CDH8: variants seen among roughly 807,000 people sequenced by gnomAD.
The protein encoded by CDH8 is cadherin-8.
In CDH8, 17 loss-of-function variants were observed where a neutral mutation model predicts 68.1. The observed-to-expected ratio is 0.25, with a 90% CI of 0.17 to 0.37. CDH8 has a LOEUF of 0.37. CDH8 is among the 10% of genes least tolerant of loss of function. The probability of loss-of-function intolerance (pLI) is 1.00; values close to 1 mark genes in which losing one functional copy is unlikely to be tolerated. For missense variants in CDH8, 763 were observed against 999.3 expected, an observed-to-expected ratio of 0.76 and a Z score of 3.19; for synonymous variants, 372 against 365.1, an observed-to-expected ratio of 1.02 and a Z score of -0.21.
At chr16:61,749,803 C>A (rs1960112522) in intron 8 of CDH8, among the ~76,000 whole-genome samples, 2 of 152,066 alleles carry the variant, frequency 1.3e-5, no homozygotes, top group Non-Finnish European at 2.9e-5. Context: ...ATAAACACAC[C>A]TTTCTCCTTA....
chr16:61,949,362 A>G (rs572403683), intron 2 of CDH8, among the ~76,000 whole-genome samples: 1 of 152,242 alleles, frequency 6.6e-6, no homozygotes, highest in East Asian at 1.9e-4. Flanking sequence ...AAAATGGACC[A>G]ATCAGCACTC....
chr16:61,910,727 T>C (rs902987698), intron 2 of CDH8, among the ~76,000 whole-genome samples: 12 of 152,150 alleles, frequency 7.9e-5, no homozygotes, highest in Admixed American at 7.9e-4. Context: ...TGGACTCTTA[T>C]GGGGATTAAA....
intron 3 of CDH8, among the ~76,000 whole-genome samples, chr16:61,882,616 T>C (rs2143138376): frequency 6.6e-6 from 1 of 152,266 alleles, no homozygotes; most frequent in Admixed American, 6.5e-5. Flanking sequence ...CAAACAAATG[T>C]AAGAACAGTA....
intron 9 of CDH8, among the ~76,000 whole-genome samples, chr16:61,716,855 C>T (rs1248653471): frequency 6.6e-6 from 1 of 151,692 alleles, no homozygotes; most frequent in Non-Finnish European, 1.5e-5. Context: ...CATTAAAATG[C>T]ATTAAGATAT....
intron 2 of CDH8, among the ~76,000 whole-genome samples, chr16:61,916,380 T>C (rs1964238780): frequency 6.6e-6 from 1 of 152,076 alleles, no homozygotes; most frequent in South Asian, 2.1e-4. Flanking sequence ...CTGGGTGTGG[T>C]GGCGCATGCC....
At chr16:61,848,924 G>A (rs750882427) in intron 4 of CDH8, among the ~76,000 whole-genome samples, 15 of 152,108 alleles carry the variant, frequency 9.9e-5, no homozygotes, top group South Asian at 8.3e-4. Flanking sequence ...TTTGACACCT[G>A]TTTGGCACTG....
rs373740856 is a variant in CDH8, at chr16:61,806,960, T to A, written c.1277+10519A>T. On this transcript the variant is annotated intron_variant, in intron 7 of 11. Transcript: ENST00000577390. ...CTAGAAATACCATTTGACCCAGCCATCCCATTACTGGGTATATACCCAAAG... is the reference window on the plus strand; with the variant it reads ...CTAGAAATACCATTTGACCCAGCCAACCCATTACTGGGTATATACCCAAAG... 1.1e-3 allele frequency among the ~76,000 whole-genome samples: 84 copies of A among 79,260 alleles called. 1 individual carries two copies. The East Asian group carries it at 0.017, about 16-fold the overall frequency. The allele number at this position is 79,260 out of a possible 152,430, so 52.0% of individuals were successfully genotyped here.
chr16:61,695,378 T>C (rs192430322), intron 10 of CDH8, among the ~76,000 whole-genome samples: 20 of 152,254 alleles, frequency 1.3e-4, no homozygotes, highest in African/African-American at 4.8e-4. Context: ...GTCTTGAAGA[T>C]TGGGTAAATG....
At chr16:61,984,125 G>T (rs1456468422) in intron 2 of CDH8, among the ~76,000 whole-genome samples, 2 of 151,826 alleles carry the variant, frequency 1.3e-5, no homozygotes, top group African/African-American at 2.4e-5. Context: ...CATCATATTG[G>T]CCGGGCTTGT....
chr16:61,957,838 C>A (rs1445574240), intron 2 of CDH8, among the ~76,000 whole-genome samples: 2 of 152,244 alleles, frequency 1.3e-5, no homozygotes, highest in East Asian at 3.9e-4. Flanking sequence ...CATTTCCTCT[C>A]CCTCCTCTGG....
chr16:61,904,303 A>G lies in CDH8; in HGVS notation c.253-2830T>C, dbSNP rs1356445780. ...GGCTTTTTCTGTCAGTCTTCACATA[A>G]GTGTGTCATATCATATTCACTTAAA... On this transcript the variant is annotated intron_variant, in intron 2 of 11. Transcript: ENST00000577390. Among the ~76,000 whole-genome samples the G allele has an allele frequency of 2.0e-5, 3 of 152,198 alleles. No individual in the cohort carries two copies. In the East Asian group the frequency reaches 5.8e-4, roughly 29 times the overall value.
At chr16:61,668,615 G>A (rs1000977355) in intron 10 of CDH8, among the ~76,000 whole-genome samples, 2 of 150,828 alleles carry the variant, frequency 1.3e-5, no homozygotes, top group Non-Finnish European at 2.9e-5. Flanking sequence ...TTATCTATTT[G>A]GATTTATGAA....
At chr16:61,942,504 A>C (rs1038676960) in intron 2 of CDH8, among the ~76,000 whole-genome samples, 2 of 152,008 alleles carry the variant, frequency 1.3e-5, no homozygotes, top group African/African-American at 4.8e-5. Flanking sequence ...ACTGCCTCTA[A>C]AACAAAACAA....
chr16:61,732,155 A>T (rs1959556074), intron 8 of CDH8, among the ~76,000 whole-genome samples: 1 of 151,648 alleles, frequency 6.6e-6, no homozygotes, highest in African/African-American at 2.4e-5. Flanking sequence ...GCATAATAGT[A>T]ATGAGAGAAG....
intron 2 of CDH8, among the ~76,000 whole-genome samples, chr16:61,964,649 T>TA (rs554335052): frequency 1.6e-4 from 25 of 152,028 alleles, no homozygotes; most frequent in South Asian, 4.2e-4. Flanking sequence ...GCCTTGAGTA[T>TA]AGCACTGCTT....
chr16:61,776,118 A>T (rs1365521829), intron 8 of CDH8, among the ~76,000 whole-genome samples: 1 of 152,094 alleles, frequency 6.6e-6, no homozygotes, highest in Non-Finnish European at 1.5e-5. Flanking sequence ...AGGAGGATAG[A>T]AAAGGGAAGG....
In CDH8 at chr16:61,821,096, C is replaced by T. The variant is rs753850696; in HGVS notation, c.853G>A (p.Val285Ile). 1.9e-6 allele frequency: 3 copies of T among 1,611,048 alleles called. No homozygotes were observed. ...GTGCCAAGAACCACATCTTCCGGTA[C>T]TGAGAAGTGATACAGGCCTTTAAAA... ...KFAQSLYHFS[V>I]PEDVVLGTAI... The change falls in exon 6 of 12, where the codon GTA becomes ATA. Residue 285 changes from valine to isoleucine, a missense_variant. By Grantham distance (29) the Val-to-Ile change is conservative (BLOSUM62 3). Transcript: ENST00000577390.
intron 8 of CDH8, among the ~76,000 whole-genome samples, chr16:61,755,663 T>A (rs1960293356): frequency 6.6e-6 from 1 of 152,150 alleles, no homozygotes; most frequent in Non-Finnish European, 1.5e-5. Flanking sequence ...TATTTTATTT[T>A]ATTTATTTTA....
chr16:61,818,398 G>A (rs180992953), intron 6 of CDH8, among the ~76,000 whole-genome samples: 51 of 152,172 alleles, frequency 3.4e-4, no homozygotes, highest in Admixed American at 1.2e-3. Flanking sequence ...TATGTGCACC[G>A]ATACATATGT....
Sources: allele counts gnomAD v4.1 joint callset (sites outside exome capture counted in the v4.1 genomes callset), GRCh38; gene constraint gnomAD v4.1.1; transcripts MANE v1.5; gene names NCBI Gene and HGNC (gene_info 2026-07-23, HGNC 2026-07-21).